Variants in CDK13 observed in about 807,000 individuals in gnomAD.
The protein encoded by CDK13 is cyclin-dependent kinase 13.
Under a neutral mutation model 137.6 loss-of-function variants are expected in CDK13, and 40 were observed. The ratio of observed to expected loss-of-function variants is 0.29; its 90% confidence interval spans 0.23 to 0.38. CDK13 has a LOEUF of 0.38. CDK13 is among the 10% of genes least tolerant of loss of function. CDK13 has a pLI of 1.00. For synonymous variants in CDK13, 869 were observed against 760.1 expected, an observed-to-expected ratio of 1.14 and a Z score of -2.36; for missense variants, 1,704 against 1,951.8, an observed-to-expected ratio of 0.87 and a Z score of 2.39.
At chr7:39,967,468 A>G (rs144426038) in intron 1 of CDK13, among the ~76,000 whole-genome samples, 444 of 151,654 alleles carry the variant, frequency 2.9e-3, no homozygotes, top group African/African-American at 0.01. Context: ...CCTGAACCAC[A>G]TTAAAAAAAA....
intron 1 of CDK13, among the ~76,000 whole-genome samples, chr7:39,967,881 G>A (rs1476687041): frequency 6.6e-6 from 1 of 151,164 alleles, no homozygotes; most frequent in Non-Finnish European, 1.5e-5. Flanking sequence ...TTGGCCATTT[G>A]TATGTCCTTT....
rs1165841034 is a variant in CDK13, at chr7:40,094,295, C to A, written c.3854C>A (p.Pro1285His). ...TATCGGACAGAAAACCAGCATGTAC[C>A]CACCACCAGTTCTTCATTAACTGAC... ...LDYRTENQHV[P>H]TTSSSLTDPH... Residue 1285 changes from proline (P) to histidine (H), a missense_variant, in exon 14 of 14, where the codon CCC becomes CAC. This residue lies in a region of CDK13 where 475 missense variants were observed against 579.3 expected (regional missense o/e 0.82). Coordinates refer to ENST00000181839, the MANE Select transcript of CDK13 (RefSeq NM_003718.5). 1 of 1,612,784 alleles carries A rather than the reference C, an allele frequency of 6.2e-7. No individual in the cohort carries two copies. The highest frequency in any genetic ancestry group is 2.2e-5 in the East Asian group (1 of 44,830).
Position 39,950,783 on chromosome 7 carries a change from C to A in CDK13, c.142C>A (p.Leu48Ile). ...PLLLPLLQPQ[L>I]LQPPPPPPPL... ...GCTGTTGCCGCTCCTGCAGCCGCAG[C>A]TCCTGCAACCGCCGCCGCCCCCGCC... is the stretch of plus-strand genomic sequence containing the variant. Residue 48 changes from leucine to isoleucine, a missense_variant, in exon 1 of 14, where the codon CTC becomes ATC. Coordinates refer to ENST00000181839, the MANE Select transcript of CDK13 (RefSeq NM_003718.5). The A allele has an allele frequency of 6.8e-7, 1 of 1,470,478 alleles. No individual in the cohort carries two copies. 91.1% of individuals were successfully genotyped at this position (1,470,478 alleles called of 1,614,324 possible).
chr7:40,039,104 G>A (rs1271059260), intron 5 of CDK13, among the ~76,000 whole-genome samples: 2 of 151,888 alleles, frequency 1.3e-5, no homozygotes, highest in East Asian at 1.9e-4. Context: ...TTGTAAGGTC[G>A]TTGATCTTTT....
At chr7:39,997,459 T>G in intron 2 of CDK13, 35 bp from the exon 3 acceptor site, 1 of 1,559,202 alleles carries the variant, frequency 6.4e-7, no homozygotes, top group Non-Finnish European at 8.7e-7. Flanking sequence ...TCAACAAAAT[T>G]TTTGTTTTAT....
At chr7:39,974,323 C>T (rs767560109) in intron 1 of CDK13, among the ~76,000 whole-genome samples, 4 of 152,054 alleles carry the variant, frequency 2.6e-5, no homozygotes, top group Non-Finnish European at 4.4e-5. Flanking sequence ...GCCTTGGCCT[C>T]CCAAGGTGTT....
At chr7:39,996,178 G>A (rs1049706105) in intron 2 of CDK13, among the ~76,000 whole-genome samples, 1 of 152,042 alleles carries the variant, frequency 6.6e-6, no homozygotes, top group Non-Finnish European at 1.5e-5. Context: ...GGATTCATTT[G>A]TTTTACAGTA....
At chr7:40,009,592 A>G (rs1413416677) in intron 5 of CDK13, among the ~76,000 whole-genome samples, 1 of 152,156 alleles carries the variant, frequency 6.6e-6, no homozygotes, top group Non-Finnish European at 1.5e-5. Context: ...AGGGGTAAAC[A>G]TTTCTTTTTT....
At chr7:40,052,171 CTTTA>C (rs913760534) in intron 7 of CDK13, among the ~76,000 whole-genome samples, 2 of 85,760 alleles carry the variant, frequency 2.3e-5, no homozygotes, top group Admixed American at 2.2e-4. Flanking sequence ...TAATGTGACA[CTTTA>C]TTTGTTTATT....
In CDK13 at chr7:40,094,846, A is replaced by G; in HGVS notation, c.4405A>G (p.Asn1469Asp). 6.4e-7 allele frequency: 1 copy of G among 1,552,666 alleles called. No individual in the cohort carries two copies. Among genetic ancestry groups the G allele is most frequent in the Non-Finnish European group, 8.7e-7 (1 of 1,151,098 alleles). Residue 1469 changes from asparagine (N) to aspartate (D), a missense_variant, in exon 14 of 14, where the codon AAT (asparagine) becomes GAT (aspartate). Transcript: ENST00000181839. The stretch of plus-strand genomic sequence containing the variant: ...TAACTATGGTGGTAACTTACAGGAA[A>G]ATCCGAGTGGCCCCAGCCTCATGCA... ...NYNYGGNLQENPSGPSLMHGQ... is the reference protein window; with the variant it reads ...NYNYGGNLQEDPSGPSLMHGQ...
intron 2 of CDK13, among the ~76,000 whole-genome samples, chr7:39,992,853 C>T (rs960069876): frequency 6.6e-6 from 1 of 152,030 alleles, no homozygotes; most frequent in Non-Finnish European, 1.5e-5. Flanking sequence ...AAAGAATACA[C>T]AGTTTTTTAG....
At chr7:40,091,918 A>C (rs748622831) in intron 12 of CDK13, among the ~76,000 whole-genome samples, 1 of 152,228 alleles carries the variant, frequency 6.6e-6, no homozygotes, top group Non-Finnish European at 1.5e-5. Context: ...TATTATATGC[A>C]TTTGAGCCTT....
rs141763683 is a variant in CDK13, at chr7:39,967,939, T to G, written c.1211+16087T>G. 2.2e-3 allele frequency among the ~76,000 whole-genome samples: 328 copies of G among 152,166 alleles called. 3 individuals are homozygous for G. The highest frequency in any genetic ancestry group is 0.01 in the Middle Eastern group (3 of 294). ...GATCTTGCTATGTTGCCCAGGCTGG[T>G]CTCAAACTCCTGGGCTCAAGGAGTC... On this transcript the variant is annotated intron_variant, in intron 1 of 13. Transcript: ENST00000181839.
intron 5 of CDK13, 121 bp from the exon 6 acceptor site, chr7:40,045,713 CAA>C: frequency 1.7e-6 from 1 of 601,444 alleles, no homozygotes; most frequent in East Asian, 3.0e-5. Flanking sequence ...ATTAAAGTAA[CAA>C]AGTAACACTT....
In CDK13 at chr7:39,997,494, C is replaced by T; in HGVS notation, c.1872C>T (p.Ser624=). The T allele has an allele frequency of 6.3e-7, 1 of 1,590,482 alleles. No individual in the cohort carries two copies. Among genetic ancestry groups the T allele is most frequent in the South Asian group, 1.2e-5 (1 of 85,374 alleles). Residue 624 remains serine (S), a splice_region_variant and synonymous_variant, in exon 3 of 14, where the codon AGC becomes AGT. Transcript: ENST00000181839. ...TTTGTCTGACTTCTTTCACTTTCAG[C>T]TTACGAGGAAATATTTCAGTAAAAG... is the stretch of plus-strand genomic sequence containing the variant. ...PMLPEDKEAD[S]LRGNISVKAV...
chr7:39,951,046 T>C lies in CDK13; in HGVS notation c.405T>C (p.Ser135=). 2 of 1,287,220 alleles carry C rather than the reference T, an allele frequency of 1.6e-6. No individual in the cohort carries two copies. Among genetic ancestry groups the C allele is most frequent in the East Asian group, 3.1e-5 (1 of 31,830 alleles). 79.7% of individuals were successfully genotyped at this position (1,287,220 alleles called of 1,614,324 possible). Residue 135 remains serine, a synonymous_variant, in exon 1 of 14, where the codon AGT becomes AGC. Coordinates refer to ENST00000181839, the MANE Select transcript of CDK13 (RefSeq NM_003718.5). ...QPQQDGGGGA[S]SGGGVTPLVE... Reference sequence around the variant, plus strand: ...AGCAGGACGGCGGTGGCGGTGCTAGTAGCGGCGGGGGTGTGACCCCGCTGG... The same window carrying C: ...AGCAGGACGGCGGTGGCGGTGCTAGCAGCGGCGGGGGTGTGACCCCGCTGG...
chr7:40,083,906 G>A lies in CDK13; in HGVS notation c.3030-4220G>A, dbSNP rs1584085715. On this transcript the variant is annotated intron_variant, in intron 11 of 13. Coordinates refer to ENST00000181839, the MANE Select transcript of CDK13 (RefSeq NM_003718.5). The stretch of plus-strand genomic sequence containing the variant: ...TCACTATTTTGCAATATGATATAAT[G>A]AGTAGTTAAAATTATGCATTACTTA... 2.0e-5 allele frequency among the ~76,000 whole-genome samples: 3 copies of A among 151,978 alleles called. No individual in the cohort carries two copies. In the East Asian group the frequency reaches 5.8e-4, roughly 29 times the overall value.
At chr7:40,015,849 A>C (rs531915178) in intron 5 of CDK13, among the ~76,000 whole-genome samples, 9 of 152,302 alleles carry the variant, frequency 5.9e-5, no homozygotes, top group African/African-American at 2.2e-4. Context: ...AACCCACCAG[A>C]AAGAAAAAAA....
Position 40,098,794 on chromosome 7 carries a change from AC to A in CDK13, c.*3815del, listed in dbSNP as rs1212794252. 6.6e-6 allele frequency: 1 copy of A among 152,082 alleles called. No individual in the cohort carries two copies. The highest frequency in any genetic ancestry group is 1.9e-4 in the East Asian group (1 of 5,196). The allele number at this position is 152,082 out of a possible 1,614,324, so 9.4% of individuals were successfully genotyped here. ...ACCAGTGATACGGTAAAATAATTAG[AC>A]TATTGGACTAATGGTTTAACACAAG... On this transcript the variant is annotated 3_prime_UTR_variant, in exon 14 of 14. Transcript: ENST00000181839.
Sources: gnomAD v4.1 joint callset for allele counts (sites outside exome capture counted in the v4.1 genomes callset) on GRCh38, gnomAD v4.1.1 for gene constraint, gnomAD v4.1.1 regional missense constraint, MANE v1.5 for transcripts, NCBI Gene and HGNC (gene_info 2026-07-23, HGNC 2026-07-21) for gene names.